COA1: variants seen among roughly 807,000 people sequenced by gnomAD.
The protein encoded by COA1 is cytochrome c oxidase assembly factor 1 homolog.
Under a neutral mutation model 16.0 loss-of-function variants are expected in COA1, and 13 were observed. The observed-to-expected ratio is 0.81, with a 90% CI of 0.53 to 1.29. The LOEUF (loss-of-function observed/expected upper bound fraction) is 1.29, where lower values mean the gene tolerates loss of function less well. Ranked by LOEUF, COA1 falls within the 50% of genes most tolerant of loss-of-function variation. The probability of loss-of-function intolerance (pLI) is 0.00; values close to 1 mark genes in which losing one functional copy is unlikely to be tolerated. For synonymous variants in COA1, 65 were observed against 65.7 expected, an observed-to-expected ratio of 0.99 and a Z score of 0.05; for missense variants, 179 against 177.0, an observed-to-expected ratio of 1.01 and a Z score of -0.06.
At chr7:43,643,168 A>T (rs1249150001) in intron 4 of COA1, among the ~76,000 whole-genome samples, 1 of 152,172 alleles carries the variant, frequency 6.6e-6, no homozygotes, top group Non-Finnish European at 1.5e-5. Context: ...CCCTCTCAGC[A>T]CCACTGGGGC....
chr7:43,721,901 G>A (rs373846049), intron 1 of COA1, among the ~76,000 whole-genome samples: 98 of 129,580 alleles, frequency 7.6e-4, no homozygotes, highest in African/African-American at 2.6e-3. Flanking sequence ...TCAAAGGCTT[G>A]AAGCCCAAAA....
chr7:43,711,057 A>G (rs1372611556), intron 1 of COA1, among the ~76,000 whole-genome samples: 3 of 151,864 alleles, frequency 2.0e-5, no homozygotes, highest in Non-Finnish European at 4.4e-5. Flanking sequence ...TCCTTAATAC[A>G]TGTTAGAGCA....
downstream of COA1, among the ~76,000 whole-genome samples, chr7:43,638,224 A>T (rs3807522): frequency 4.2e-4 from 58 of 138,750 alleles, no homozygotes; most frequent in Admixed American, 1.6e-3. Flanking sequence ...GTTTAAGCTC[A>T]TTTTTTTTTT....
intron 1 of COA1, among the ~76,000 whole-genome samples, chr7:43,692,197 C>T (rs531021158): frequency 6.6e-6 from 1 of 152,132 alleles, no homozygotes. Flanking sequence ...TTATAATCAC[C>T]AAGTTAATAA....
chr7:43,623,501 T>C lies in COA1; in HGVS notation c.*134-14006A>G, dbSNP rs914769013. On this transcript the variant is annotated intron_variant and NMD_transcript_variant, in intron 6 of 6. Coordinates refer to the COA1 transcript ENST00000415076. ...GCCTTATAGTTTCTAATGCTTAGTT[T>C]TTTATCTCTTAGAGCAAATTAGGAA... 2.2e-6 allele frequency: 3 copies of C among 1,361,446 alleles called. No homozygotes were observed. The African/African-American group carries it at 4.4e-5, about 20-fold the overall frequency. 84.3% of individuals were successfully genotyped at this position (1,361,446 alleles called of 1,614,324 possible). A position where few individuals can be genotyped will look rare whatever the true frequency, so the allele number is the denominator to read the frequency against.
At position 43,646,118 on chromosome 7, in the gene COA1, G is replaced by A. The variant is rs77430147; in HGVS notation, c.116-719C>T. ...CCCAAGCAGGGTGTTCAGTTTGGCCGCAGAAAGTGCTTCTCTTCTGAAGGT... is the reference window on the plus strand; with the variant it reads ...CCCAAGCAGGGTGTTCAGTTTGGCCACAGAAAGTGCTTCTCTTCTGAAGGT... On this transcript the variant is annotated intron_variant, in intron 3 of 5. Transcript: ENST00000223336. The A allele has an allele frequency of 9.8e-3, 1,525 of 155,116 alleles. 15 individuals carry two copies. Among genetic ancestry groups the A allele is most frequent in the African/African-American group, 0.029 (1,196 of 41,582 alleles). 9.6% of individuals were successfully genotyped at this position (155,116 alleles called of 1,614,324 possible).
At chr7:43,610,661 C>T (rs2082781240) in intron 6 of COA1, among the ~76,000 whole-genome samples, 1 of 151,832 alleles carries the variant, frequency 6.6e-6, no homozygotes. Context: ...AGCGAGACTT[C>T]GTCTCAAAAA....
At chr7:43,729,240 T>C (rs1407537305) in intron 1 of COA1, among the ~76,000 whole-genome samples, 189 bp downstream of exon 1, 4 of 152,206 alleles carry the variant, frequency 2.6e-5, no homozygotes, top group Admixed American at 1.3e-4. Context: ...CACTGAAGGT[T>C]ACCAGGTGCC....
intron 6 of COA1, among the ~76,000 whole-genome samples, chr7:43,621,870 CA>C (rs1218640703): frequency 1.0e-5 from 1 of 99,548 alleles, no homozygotes. Context: ...TTCCGTGACT[CA>C]CCTTTTAAAA....
chr7:43,713,856 T>G (rs181622928), intron 1 of COA1, among the ~76,000 whole-genome samples: 1 of 152,052 alleles, frequency 6.6e-6, no homozygotes, highest in East Asian at 1.9e-4. Context: ...CTGACCAACA[T>G]GGTGAAAGCC....
intron 4 of COA1, among the ~76,000 whole-genome samples, chr7:43,643,575 G>A (rs1049314047): frequency 2.0e-5 from 3 of 152,126 alleles, no homozygotes; most frequent in Admixed American, 6.6e-5. Context: ...TTCCACTCAC[G>A]TCCATGCTGG....
intron 6 of COA1, among the ~76,000 whole-genome samples, chr7:43,627,164 T>TTATGAAATG (rs1165537006): frequency 6.6e-6 from 1 of 152,246 alleles, no homozygotes; most frequent in Non-Finnish European, 1.5e-5. Context: ...GAAACGTTGT[T>TTATGAAATG]TATGAAATGT....
chr7:43,636,320 C>T (rs538975856), downstream of COA1, among the ~76,000 whole-genome samples: 1 of 151,348 alleles, frequency 6.6e-6, no homozygotes, highest in South Asian at 2.1e-4. Flanking sequence ...CTATCAATCA[C>T]CCTCCCACCT....
chr7:43,708,728 G>C (rs1284527684), intron 1 of COA1, among the ~76,000 whole-genome samples: 2 of 151,482 alleles, frequency 1.3e-5, no homozygotes, highest in African/African-American at 4.9e-5. Flanking sequence ...TTATTCTATT[G>C]GCTTGTCTTT....
At chr7:43,710,575 T>C (rs1349302737) in intron 1 of COA1, among the ~76,000 whole-genome samples, 1 of 151,546 alleles carries the variant, frequency 6.6e-6, no homozygotes, top group Non-Finnish European at 1.5e-5. Flanking sequence ...CTGGCTTGAG[T>C]AAAGGATGTT....
intron 1 of COA1, among the ~76,000 whole-genome samples, chr7:43,688,287 T>C (rs1348121301): frequency 6.6e-6 from 1 of 152,230 alleles, no homozygotes; most frequent in Non-Finnish European, 1.5e-5. Flanking sequence ...GTAATTAATG[T>C]ATGCAATTAA....
At chr7:43,625,537 C>T (rs7778665) in intron 6 of COA1, 85,204 of 151,812 alleles carry the variant, frequency 0.56, 25,671 homozygotes, top group African/African-American at 0.8. Flanking sequence ...GGTGTCAGCT[C>T]TTGAGCTGCT....
At chr7:43,647,696 C>T in intron 2 of COA1, 62 bp from the exon 3 acceptor site, 1 of 1,311,138 alleles carries the variant, frequency 7.6e-7, no homozygotes, top group South Asian at 1.2e-5. Context: ...GGGGATTTGC[C>T]CGGCTTGGAC....
intron 1 of COA1, among the ~76,000 whole-genome samples, chr7:43,715,223 T>C (rs1440827155): frequency 2.6e-5 from 4 of 152,144 alleles, no homozygotes; most frequent in East Asian, 3.8e-4. Context: ...ACATTTAACA[T>C]TGACATTGAT....
Sources: gnomAD v4.1 joint callset for allele counts (sites outside exome capture counted in the v4.1 genomes callset) on GRCh38, gnomAD v4.1.1 for gene constraint, MANE v1.5 for transcripts, NCBI Gene and HGNC (gene_info 2026-07-23, HGNC 2026-07-21) for gene names.